Variants in ASH1L observed in about 807,000 individuals in gnomAD.
ASH1L encodes ASH1 like histone lysine methyltransferase, also known as histone-lysine N-methyltransferase ASH1L.
A neutral mutation model predicts 269.0 loss-of-function variants in ASH1L; 23 were observed. The ratio of observed to expected loss-of-function variants is 0.09; its 90% CI spans 0.06 to 0.12. The LOEUF (loss-of-function observed/expected upper bound fraction) is 0.12, where lower values mean the gene tolerates loss of function less well. Among genes scored for constraint, ASH1L ranks in the 10% least tolerant of loss-of-function variants. The pLI, the probability that ASH1L is intolerant of heterozygous loss-of-function variation, is 1.00. For synonymous variants in ASH1L, 1,187 were observed against 1,253.5 expected, an observed-to-expected ratio of 0.95 and a Z score of 1.12; for missense variants, 2,912 against 3,567.8, an observed-to-expected ratio of 0.82 and a Z score of 4.68.
intron 25 of ASH1L, among the ~76,000 whole-genome samples, chr1:155,340,388 G>A (rs745436406): frequency 2.0e-5 from 3 of 151,864 alleles, no homozygotes; most frequent in East Asian, 3.9e-4. Context: ...TCACCATGTC[G>A]ACCAGGCTGG....
chr1:155,501,782 C>A (rs925921843), intron 2 of ASH1L, among the ~76,000 whole-genome samples: 1 of 152,090 alleles, frequency 6.6e-6, no homozygotes, highest in Non-Finnish European at 1.5e-5. Context: ...CCTGCCTCAG[C>A]CTCCCAAGTA....
intron 2 of ASH1L, among the ~76,000 whole-genome samples, chr1:155,518,852 G>C (rs1668676045): frequency 6.7e-6 from 1 of 149,954 alleles, no homozygotes; most frequent in Non-Finnish European, 1.5e-5. Flanking sequence ...GAGGGAGGGA[G>C]GGAGGGAAGA....
chr1:155,339,567 G>T (rs1433323723), intron 25 of ASH1L, among the ~76,000 whole-genome samples, 199 bp from the exon 26 acceptor site: 2 of 152,152 alleles, frequency 1.3e-5, no homozygotes, highest in African/African-American at 4.8e-5. Context: ...GGATGACAAT[G>T]GGAGGGATAA....
chr1:155,452,042 ATTT>A (rs562050378), intron 4 of ASH1L, among the ~76,000 whole-genome samples: 3 of 138,532 alleles, frequency 2.2e-5, no homozygotes, highest in African/African-American at 5.3e-5. Flanking sequence ...TAAGATGGTA[ATTT>A]TTTTTTTTTT....
intron 7 of ASH1L, among the ~76,000 whole-genome samples, chr1:155,388,961 G>A (rs920673271): frequency 2.0e-5 from 3 of 148,306 alleles, no homozygotes; most frequent in Non-Finnish European, 4.5e-5. Context: ...TTCTCTCCTC[G>A]GCCTCCCAAA....
chr1:155,370,266 AAAAAAACC>A (rs1282888161), intron 12 of ASH1L: 3 of 527,150 alleles, frequency 5.7e-6, no homozygotes, highest in Non-Finnish European at 1.0e-5. Context: ...CATGCCAAAC[AAAAAAACC>A]AAAAAAGCAA....
At chr1:155,363,986 C>A (rs1655188573) in intron 12 of ASH1L, among the ~76,000 whole-genome samples, 2 of 148,630 alleles carry the variant, frequency 1.3e-5, no homozygotes, top group African/African-American at 2.6e-5. Flanking sequence ...AAAACAAAAA[C>A]AAAAAACCAA....
At chr1:155,510,292 T>C (rs1014819376) in intron 2 of ASH1L, among the ~76,000 whole-genome samples, 2 of 150,226 alleles carry the variant, frequency 1.3e-5, no homozygotes, top group Non-Finnish European at 2.9e-5. Flanking sequence ...TGCACACCTG[T>C]AATCCCAGCT....
chr1:155,409,872 A>T (rs1659619818), intron 6 of ASH1L, among the ~76,000 whole-genome samples: 1 of 152,070 alleles, frequency 6.6e-6, no homozygotes, highest in Admixed American at 6.6e-5. Context: ...TTCTTAAAAA[A>T]TGGTCGATCT....
chr1:155,439,041 C>G lies in ASH1L; in HGVS notation c.5114G>C (p.Arg1705Thr). 6.2e-7 allele frequency: 1 copy of G among 1,609,618 alleles called. No individual in the cohort carries two copies. The highest frequency in any genetic ancestry group is 8.5e-7 in the Non-Finnish European group (1 of 1,177,852). The change falls in exon 5 of 28, where the codon AGA becomes ACA. Residue 1705 changes from arginine (R) to threonine (T), a missense_variant. By Grantham distance (71) the Arg-to-Thr change is moderately conservative. This residue lies in a region of ASH1L where 789 missense variants were observed against 897.6 expected (regional missense o/e 0.88). Transcript: ENST00000392403. ...TVNGVPSRSPRLVASGDDSVD... is the reference protein window; with the variant it reads ...TVNGVPSRSPTLVASGDDSVD... ...AGAGTCATCCCCAGAAGCAACTAAT[C>G]TTGGACTTCGAGAGGGAACTCCGTT...
At chr1:155,495,853 C>A (rs1667115836) in intron 2 of ASH1L, among the ~76,000 whole-genome samples, 1 of 152,030 alleles carries the variant, frequency 6.6e-6, no homozygotes, top group Non-Finnish European at 1.5e-5. Context: ...CAAAAATTAG[C>A]TGGTCATGGT....
intron 2 of ASH1L, among the ~76,000 whole-genome samples, chr1:155,495,658 A>T (rs1667098964): frequency 6.6e-6 from 1 of 152,138 alleles, no homozygotes; most frequent in Non-Finnish European, 1.5e-5. Flanking sequence ...TAAACACTGA[A>T]CACTTAAGCT....
At chr1:155,403,313 C>T (rs1394713885) in intron 6 of ASH1L, among the ~76,000 whole-genome samples, 1 of 151,896 alleles carries the variant, frequency 6.6e-6, no homozygotes, top group Non-Finnish European at 1.5e-5. Flanking sequence ...AGTGAAACTC[C>T]TGTTTCAAAA....
At chr1:155,535,356 C>T (rs922114099) in intron 1 of ASH1L, among the ~76,000 whole-genome samples, 8 of 151,966 alleles carry the variant, frequency 5.3e-5, no homozygotes, top group Non-Finnish European at 8.8e-5. Flanking sequence ...CAGCCTCCCG[C>T]GCAGCTAACA....
intron 21 of ASH1L, 142 bp downstream of exon 21, chr1:155,346,241 A>G (rs754633413): frequency 6.4e-7 from 1 of 1,558,524 alleles, no homozygotes; most frequent in Non-Finnish European, 8.7e-7. Flanking sequence ...ATGACCCTTA[A>G]TGTAAAGTTT....
chr1:155,554,970 C>T (rs771378251), intron 1 of ASH1L, among the ~76,000 whole-genome samples: 3 of 151,196 alleles, frequency 2.0e-5, no homozygotes, highest in Non-Finnish European at 4.4e-5. Context: ...TGGTGAAACC[C>T]CATCTCTACT....
intron 4 of ASH1L, among the ~76,000 whole-genome samples, chr1:155,440,171 G>A (rs562998652): frequency 2.6e-5 from 4 of 152,060 alleles, no homozygotes; most frequent in East Asian, 3.9e-4. Context: ...AGCCCAGTGT[G>A]GTTTCCTGTA....
At chr1:155,408,827 C>T (rs565315954) in intron 6 of ASH1L, among the ~76,000 whole-genome samples, 1 of 151,756 alleles carries the variant, frequency 6.6e-6, no homozygotes, top group Non-Finnish European at 1.5e-5. Context: ...CAAGCCTGGG[C>T]AACATAGGGA....
chr1:155,470,699 G>C (rs111415853), intron 3 of ASH1L, among the ~76,000 whole-genome samples: 243 of 151,868 alleles, frequency 1.6e-3, no homozygotes, highest in African/African-American at 5.7e-3. Context: ...CTACAGGCAT[G>C]TGCCACCATG....
Sources: allele counts gnomAD v4.1 joint callset (sites outside exome capture counted in the v4.1 genomes callset), GRCh38; gene constraint gnomAD v4.1.1; regional missense constraint gnomAD v4.1.1; transcripts MANE v1.5; gene names NCBI Gene and HGNC (gene_info 2026-07-23, HGNC 2026-07-21).